CTNNA3: variants seen among roughly 807,000 people sequenced by gnomAD.
The protein encoded by CTNNA3 is catenin alpha 3.
In CTNNA3, 76 loss-of-function variants were observed where a neutral mutation model predicts 95.7. That is an observed-to-expected ratio of 0.79 (90% confidence interval 0.66 to 0.96). The LOEUF (loss-of-function observed/expected upper bound fraction) is 0.96. Among genes scored for constraint, CTNNA3 ranks in the 40% least tolerant of loss-of-function variants. The pLI is 0.00. For synonymous variants in CTNNA3, 431 were observed against 374.4 expected (o/e 1.15, Z -1.74); for missense variants, 1,191 against 1,089.8 (o/e 1.09, Z -1.31).
chr10:66,846,684 G>A (rs965325896), intron 7 of CTNNA3, among the ~76,000 whole-genome samples: 1 of 152,020 alleles, frequency 6.6e-6, no homozygotes, highest in African/African-American at 2.4e-5. Context: ...TGTTAATACT[G>A]TGACTCTCTT....
intron 7 of CTNNA3, among the ~76,000 whole-genome samples, chr10:66,920,693 C>A (rs894517563): frequency 2.6e-5 from 4 of 152,160 alleles, no homozygotes; most frequent in Non-Finnish European, 4.4e-5. Context: ...AGAGCCAAAT[C>A]CAGATTTAAT....
intron 9 of CTNNA3, among the ~76,000 whole-genome samples, chr10:66,680,038 G>T (rs947781629): frequency 1.1e-4 from 17 of 152,046 alleles, no homozygotes; most frequent in Non-Finnish European, 5.9e-5. Flanking sequence ...CTGTCACCAG[G>T]CTGGAGTGCA....
chr10:66,032,663 C>A (rs1040566874), intron 15 of CTNNA3, among the ~76,000 whole-genome samples: 2 of 152,074 alleles, frequency 1.3e-5, no homozygotes, highest in Non-Finnish European at 2.9e-5. Flanking sequence ...ACTCACACAA[C>A]CATGTTCTCA....
At chr10:66,649,561 C>T (rs1845823892) in intron 9 of CTNNA3, among the ~76,000 whole-genome samples, 1 of 152,192 alleles carries the variant, frequency 6.6e-6, no homozygotes. Flanking sequence ...ACTGGGCCTG[C>T]TCCAGCAAAA....
chr10:66,197,030 A>G (rs2087003092), intron 13 of CTNNA3, among the ~76,000 whole-genome samples: 3 of 152,308 alleles, frequency 2.0e-5, no homozygotes, highest in Middle Eastern at 3.4e-3. Context: ...TGAAGAACAT[A>G]AGACAGCATG....
rs76172095 is a variant in CTNNA3, at chr10:66,086,205, G to A, written c.1978-16716C>T. Among the ~76,000 whole-genome samples the A allele has an allele frequency of 6.6e-3, 1,003 of 152,186 alleles. 14 individuals are homozygous for A. Among genetic ancestry groups the A allele is most frequent in the African/African-American group, 0.023 (965 of 41,528 alleles). On this transcript the variant is annotated intron_variant, in intron 14 of 17. Transcript: ENST00000433211. ...TCAAGAGGCAGCAGCTGACACACGA[G>A]CCTATCTTAGTACTGAGACAGGATA...
At chr10:67,086,362 T>C (rs1857307395) in intron 7 of CTNNA3, among the ~76,000 whole-genome samples, 1 of 151,990 alleles carries the variant, frequency 6.6e-6, no homozygotes, top group African/African-American at 2.4e-5. Context: ...ATCACTTCAT[T>C]TAGTTGGGAG....
At chr10:66,251,340 C>G (rs1033484513) in intron 13 of CTNNA3, among the ~76,000 whole-genome samples, 6 of 152,058 alleles carry the variant, frequency 3.9e-5, no homozygotes, top group African/African-American at 1.4e-4. Flanking sequence ...CTTGACAATG[C>G]CTCTCATATT....
At chr10:66,973,361 T>C (rs188543817) in intron 7 of CTNNA3, among the ~76,000 whole-genome samples, 16 of 152,304 alleles carry the variant, frequency 1.1e-4, no homozygotes, top group Admixed American at 4.6e-4. Context: ...CTAACATCAA[T>C]ATTACAATGA....
chr10:67,073,750 AAAATG>A (rs1564872677), intron 7 of CTNNA3, among the ~76,000 whole-genome samples: 2 of 152,214 alleles, frequency 1.3e-5, no homozygotes, highest in African/African-American at 4.8e-5. Flanking sequence ...AGAGATCAAA[AAAATG>A]AAATGAAAGC....
At position 67,140,425 on chromosome 10, in the gene CTNNA3, T is replaced by A. The variant is rs868061016; in HGVS notation, c.1047+39892A>T. Reference sequence around the variant, plus strand: ...TCTAACACAGAAGAAGCATTCGATTTATATTAATAATTACATATAACTGGT... The same window carrying A: ...TCTAACACAGAAGAAGCATTCGATTAATATTAATAATTACATATAACTGGT... On this transcript the variant is annotated intron_variant, in intron 7 of 17. Transcript: ENST00000433211. Among the ~76,000 whole-genome samples, 6 of 152,312 alleles carry A rather than the reference T, an allele frequency of 3.9e-5. No individual in the cohort carries two copies. In the Middle Eastern group the frequency reaches 0.014, roughly 348 times the overall value.
At chr10:66,606,969 C>T (rs185219836) in intron 10 of CTNNA3, among the ~76,000 whole-genome samples, 2 of 151,832 alleles carry the variant, frequency 1.3e-5, no homozygotes, top group African/African-American at 2.4e-5. Flanking sequence ...AAAAAGCATT[C>T]GAAAGATCAA....
At chr10:66,441,019 G>T (rs1252649621) in intron 11 of CTNNA3, among the ~76,000 whole-genome samples, 1 of 151,986 alleles carries the variant, frequency 6.6e-6, no homozygotes, top group Non-Finnish European at 1.5e-5. Context: ...CACCAAGCCA[G>T]GCACAAAAAA....
At chr10:66,913,238 C>CAAAAAAAAAAAAAAAAAAAAAAAAAAA (rs1161880781) in intron 7 of CTNNA3, among the ~76,000 whole-genome samples, 3 of 33,536 alleles carry the variant, frequency 8.9e-5, no homozygotes, top group African/African-American at 1.2e-4. Flanking sequence ...GACTCCGTCT[C>CAAAAAAAAAAAAAAAAAAAAAAAAAAA]AAAAAAAAAA....
At chr10:66,612,724 C>G (rs1202235190) in intron 10 of CTNNA3, among the ~76,000 whole-genome samples, 1 of 152,104 alleles carries the variant, frequency 6.6e-6, no homozygotes, top group Admixed American at 6.6e-5. Context: ...TAGACAGACT[C>G]AATTGTTTAC....
At chr10:67,365,577 A>C (rs1322912102) in intron 5 of CTNNA3, among the ~76,000 whole-genome samples, 1 of 152,226 alleles carries the variant, frequency 6.6e-6, no homozygotes, top group Non-Finnish European at 1.5e-5. Context: ...ATATGAACAG[A>C]CTTTTCTCAA....
chr10:66,504,151 T>G (rs780627337), intron 11 of CTNNA3, among the ~76,000 whole-genome samples: 1 of 152,146 alleles, frequency 6.6e-6, no homozygotes, highest in Non-Finnish European at 1.5e-5. Flanking sequence ...TCTCTTGAAC[T>G]TATTCCTCCC....
At chr10:66,551,134 C>CT (rs1842202664) in intron 10 of CTNNA3, among the ~76,000 whole-genome samples, 1 of 152,100 alleles carries the variant, frequency 6.6e-6, no homozygotes, top group Non-Finnish European at 1.5e-5. Context: ...ATTCCCTTTC[C>CT]TTTAGCCTTT....
At chr10:66,999,439 T>C (rs1323977983) in intron 7 of CTNNA3, among the ~76,000 whole-genome samples, 1 of 152,168 alleles carries the variant, frequency 6.6e-6, no homozygotes, top group African/African-American at 2.4e-5. Flanking sequence ...CATCAATTTG[T>C]ATTACACAGA....
Sources: allele counts gnomAD v4.1 joint callset (sites outside exome capture counted in the v4.1 genomes callset), GRCh38; gene constraint gnomAD v4.1.1; transcripts MANE v1.5; gene names NCBI Gene and HGNC (gene_info 2026-07-23, HGNC 2026-07-21).